Variants in SLC2A9 observed in about 807,000 individuals in gnomAD.
SLC2A9 encodes solute carrier family 2 member 9.
SLC2A9 carries 39 observed loss-of-function variants against 50.6 expected under a neutral mutation model. That is an observed-to-expected ratio of 0.77 (90% CI 0.60 to 1.01). The LOEUF (loss-of-function observed/expected upper bound fraction) is 1.01. Among genes scored for constraint, SLC2A9 ranks in the 50% least tolerant of loss-of-function variants. SLC2A9 has a pLI of 0.00. For synonymous variants in SLC2A9, 324 were observed against 276.9 expected (o/e 1.17, Z -1.69); for missense variants, 686 against 677.6 (o/e 1.01, Z -0.14).
intron 2 of SLC2A9, among the ~76,000 whole-genome samples, chr4:10,007,027 C>T (rs1399197833): frequency 6.6e-6 from 1 of 152,152 alleles, no homozygotes; most frequent in Admixed American, 6.5e-5. Flanking sequence ...TTGGAGCTTG[C>T]CCCTGGTTTC....
At chr4:9,841,396 C>G (rs1196271421) in intron 10 of SLC2A9, among the ~76,000 whole-genome samples, 1 of 152,064 alleles carries the variant, frequency 6.6e-6, no homozygotes, top group Non-Finnish European at 1.5e-5. Context: ...TTCCTTTCTT[C>G]TTTGTTCTAG....
rs149075736 is a variant in SLC2A9 at position 10,027,377 on chromosome 4, G to A, written c.-40-1371C>T. 2.2e-4 allele frequency among the ~76,000 whole-genome samples: 33 copies of A among 152,096 alleles called. No homozygotes were observed. The East Asian group carries it at 5.4e-3, about 25-fold the overall frequency. ...AAAAAAACGTGTCTTTGATCCCGTC[G>A]CCTCCTGTTTACCACCCCATTTTCC... is the stretch of plus-strand genomic sequence containing the variant. On this transcript the variant is annotated intron_variant, in intron 1 of 12. Transcript: ENST00000309065.
chr4:9,832,385 C>G (rs1018627478), intron 11 of SLC2A9, among the ~76,000 whole-genome samples: 15 of 152,204 alleles, frequency 9.9e-5, no homozygotes, highest in Admixed American at 9.8e-4. Flanking sequence ...ACCGTGGGTG[C>G]CTTCCCAGGC....
rs189531369 is a variant in SLC2A9 at position 9,831,000 on chromosome 4, C to A, written c.1419+3881G>T. Among the ~76,000 whole-genome samples, 273 of 152,268 alleles carry A rather than the reference C, an allele frequency of 1.8e-3. 2 individuals are homozygous for A. The highest frequency in any genetic ancestry group is 3.3e-3 in the South Asian group (16 of 4,826). ...CCATGCTTGAGGAGCATGCTCAGGG[C>A]CCTCCGCTAATACATGGGCTTCAAT... is the stretch of plus-strand genomic sequence containing the variant. On this transcript the variant is annotated intron_variant, in intron 11 of 11. Coordinates refer to ENST00000264784, the MANE Select transcript of SLC2A9 (RefSeq NM_020041.3).
intron 3 of SLC2A9, among the ~76,000 whole-genome samples, chr4:9,806,672 A>T (rs926061805): frequency 1.3e-5 from 2 of 152,160 alleles, no homozygotes; most frequent in Admixed American, 1.3e-4. Context: ...GGCTGTGTGC[A>T]TGGGGGGTGG....
chr4:9,781,353 C>T (rs1718332129), intron 3 of SLC2A9, among the ~76,000 whole-genome samples: 1 of 152,268 alleles, frequency 6.6e-6, no homozygotes, highest in Non-Finnish European at 1.5e-5. Context: ...CCCTCGCGTC[C>T]TCATCCTTAC....
At chr4:10,029,548 A>AATATTTTATTTTATTTTATTT (rs1560510174) in intron 1 of SLC2A9, among the ~76,000 whole-genome samples, 1 of 125,248 alleles carries the variant, frequency 8.0e-6, no homozygotes, top group African/African-American at 3.6e-5. Flanking sequence ...AATTTTTTAA[A>AATATTTTATTTTATTTTATTT]TATTTTATTT....
chr4:9,864,693 C>T (rs1373915931), intron 10 of SLC2A9, among the ~76,000 whole-genome samples: 1 of 152,208 alleles, frequency 6.6e-6, no homozygotes, highest in East Asian at 1.9e-4. Context: ...AGCTATCCAT[C>T]TGGGAAGCAT....
intron 6 of SLC2A9, among the ~76,000 whole-genome samples, chr4:9,923,543 C>T (rs1744324410): frequency 6.6e-6 from 1 of 152,072 alleles, no homozygotes; most frequent in Non-Finnish European, 1.5e-5. Context: ...CAGAGGGGAG[C>T]CAGGGCAGGG....
At chr4:9,834,852 A>G in intron 11 of SLC2A9, 29 bp downstream of exon 11, 1 of 1,614,114 alleles carries the variant, frequency 6.2e-7, no homozygotes, top group Non-Finnish European at 8.5e-7. Context: ...AGGGAACCCC[A>G]TGGGCAAAAG....
At chr4:9,920,607 G>T (rs1743760927) in intron 6 of SLC2A9, 35 bp from the exon 7 acceptor site, 3 of 1,612,588 alleles carry the variant, frequency 1.9e-6, no homozygotes, top group Non-Finnish European at 2.5e-6. Flanking sequence ...TTTCAGCAGG[G>T]ATTAGAGTGT....
At chr4:9,959,754 A>C (rs1408343189) in intron 5 of SLC2A9, among the ~76,000 whole-genome samples, 1 of 152,212 alleles carries the variant, frequency 6.6e-6, no homozygotes, top group Non-Finnish European at 1.5e-5. Flanking sequence ...GTGGAGTTTC[A>C]AGTGCCCCTT....
intron 10 of SLC2A9, among the ~76,000 whole-genome samples, chr4:9,863,041 T>C (rs921644939): frequency 1.1e-4 from 16 of 152,114 alleles, no homozygotes; most frequent in African/African-American, 3.9e-4. Flanking sequence ...TCAGTGTACA[T>C]GTCTTCTTGA....
At chr4:9,781,681 G>C (rs939248070) in intron 3 of SLC2A9, 2 of 222,586 alleles carry the variant, frequency 9.0e-6, no homozygotes, top group Non-Finnish European at 1.7e-5. Context: ...CCTCAGTGGC[G>C]GCTTGCTCTC....
intron 1 of SLC2A9, among the ~76,000 whole-genome samples, chr4:9,773,065 A>G (rs950674225): frequency 5.3e-5 from 8 of 152,234 alleles, no homozygotes; most frequent in African/African-American, 1.9e-4. Context: ...CTGTCTACAG[A>G]GTGCTGCCTT....
intron 10 of SLC2A9, among the ~76,000 whole-genome samples, chr4:9,874,579 T>C (rs1278571016): frequency 6.6e-6 from 1 of 152,226 alleles, no homozygotes. Flanking sequence ...GGAGTGCACA[T>C]GTGTGTATGT....
chr4:9,928,691 A>G (rs1020316592), intron 6 of SLC2A9, among the ~76,000 whole-genome samples: 2 of 152,202 alleles, frequency 1.3e-5, no homozygotes, highest in African/African-American at 4.8e-5. Flanking sequence ...CCGAAAGTGC[A>G]TCACTGCACT....
rs143674432 is a variant in SLC2A9 at position 9,783,110 on chromosome 4, T to C, written n.386-3045A>G. The C allele has an allele frequency of 3.7e-6, 6 of 1,614,224 alleles. No individual in the cohort carries two copies. The East Asian group carries it at 1.3e-4, about 36-fold the overall frequency. On this transcript the variant is annotated intron_variant and non_coding_transcript_variant, in intron 3 of 3. Transcript: ENST00000503803. ...CTCACTCAACCCCGTCATCTATGCC[T>C]TCAACGCCGACTTTCAGAAGGTGTT...
At chr4:9,887,222 GA>G (rs1262072437) in intron 10 of SLC2A9, among the ~76,000 whole-genome samples, 3 of 152,202 alleles carry the variant, frequency 2.0e-5, no homozygotes, top group Non-Finnish European at 4.4e-5. Context: ...TTTCACCATA[GA>G]CGGTAACTGC....
Sources: gnomAD v4.1 joint callset for allele counts (sites outside exome capture counted in the v4.1 genomes callset) on GRCh38, gnomAD v4.1.1 for gene constraint, MANE v1.5 for transcripts, NCBI Gene and HGNC (gene_info 2026-07-23, HGNC 2026-07-21) for gene names.